Variants in UNC93A observed in about 807,000 individuals in gnomAD.
UNC93A encodes the protein unc-93 homolog A.
Under a neutral mutation model 47.5 loss-of-function variants are expected in UNC93A, and 43 were observed. That is an observed-to-expected ratio of 0.91 (90% CI 0.71 to 1.17). The LOEUF is 1.17. Among genes scored for constraint, UNC93A ranks in the 50% most tolerant of loss-of-function variants. The pLI is 0.00. For missense variants in UNC93A, 605 were observed against 577.6 expected (o/e 1.05, Z -0.49); for synonymous variants, 280 against 258.0 (o/e 1.09, Z -0.82).
intron 1 of UNC93A, among the ~76,000 whole-genome samples, chr6:167,276,365 C>T (rs1230213114): frequency 6.6e-6 from 1 of 152,122 alleles, no homozygotes; most frequent in Non-Finnish European, 1.5e-5. Context: ...GATGAACACC[C>T]AGGAGTGGGT....
In UNC93A at chr6:167,294,511, C is replaced by T; in HGVS notation, c.88-6C>T. The stretch of plus-strand genomic sequence containing the variant: ...TGCTCTGACAGGGCTGGCTTTGTTC[C>T]CACAGAGCAGCCTGTACAGCGAGGA... On this transcript the variant is annotated splice_polypyrimidine_tract_variant and splice_region_variant and intron_variant, in intron 1 of 7. Transcript: ENST00000230256. The T allele has an allele frequency of 6.2e-7, 1 of 1,613,860 alleles. No individual in the cohort carries two copies. The highest frequency in any genetic ancestry group is 1.3e-5 in the African/African-American group (1 of 75,010).
At position 167,294,552 on chromosome 6, in the gene UNC93A, A is replaced by C. The variant is rs1199304711; in HGVS notation, c.123A>C (p.Thr41=). The C allele has an allele frequency of 1.2e-6, 2 of 1,614,012 alleles. No homozygotes were observed. Among genetic ancestry groups the C allele is most frequent in the Non-Finnish European group, 1.7e-6 (2 of 1,179,980 alleles). ...ACAGCGAGGAGGGCCTGGGTGTCAC[A>C]GCGCTCAGCACCCTCTATGGAGGCA... ...SLYSEEGLGV[T]ALSTLYGGML... is the part of the protein sequence containing the mutation. The change falls in exon 2 of 8, where the codon ACA becomes ACC. Residue 41 remains threonine, a synonymous_variant. Coordinates refer to ENST00000230256, the MANE Select transcript of UNC93A (RefSeq NM_018974.4).
chr6:167,310,957 G>A (rs987972130), intron 7 of UNC93A, among the ~76,000 whole-genome samples: 2 of 152,172 alleles, frequency 1.3e-5, no homozygotes, highest in Non-Finnish European at 2.9e-5. Flanking sequence ...ATCGTCATGC[G>A]TGAGTGGCAT....
upstream of UNC93A, among the ~76,000 whole-genome samples, chr6:167,269,338 C>G (rs1245726447): frequency 1.3e-5 from 2 of 152,172 alleles, no homozygotes; most frequent in East Asian, 3.9e-4. Flanking sequence ...TGTGTAGTGC[C>G]TCACTGTTCT....
chr6:167,309,015 C>T (rs1361394982), intron 7 of UNC93A, among the ~76,000 whole-genome samples: 1 of 151,886 alleles, frequency 6.6e-6, no homozygotes, highest in Non-Finnish European at 1.5e-5. Context: ...CAAGCAGGAG[C>T]CAGGGAGGAA....
intron 1 of UNC93A, among the ~76,000 whole-genome samples, chr6:167,280,477 G>A (rs534795244): frequency 6.6e-6 from 1 of 152,284 alleles, no homozygotes; most frequent in East Asian, 1.9e-4. Context: ...TCTCTTCAAA[G>A]AGGGCTGAGC....
chr6:167,302,921 T>A (rs1030729003), intron 4 of UNC93A, among the ~76,000 whole-genome samples: 4 of 152,188 alleles, frequency 2.6e-5, no homozygotes, highest in Non-Finnish European at 5.9e-5. Flanking sequence ...TGGAATCTCT[T>A]GCCGTCCTGC....
chr6:167,284,101 C>A (rs1285728851), intron 1 of UNC93A, among the ~76,000 whole-genome samples: 1 of 152,160 alleles, frequency 6.6e-6, no homozygotes, highest in Non-Finnish European at 1.5e-5. Flanking sequence ...AAAATGCTCT[C>A]TGGCTTCTGC....
intron 1 of UNC93A, among the ~76,000 whole-genome samples, chr6:167,273,823 C>G (rs1302584094): frequency 6.9e-6 from 1 of 145,422 alleles, no homozygotes; most frequent in Admixed American, 6.8e-5. Context: ...ATCTAAAGAC[C>G]TGGAACCAAT....
intron 4 of UNC93A, among the ~76,000 whole-genome samples, chr6:167,300,334 G>T (rs1209970102): frequency 1.3e-5 from 2 of 152,174 alleles, no homozygotes; most frequent in South Asian, 2.1e-4. Flanking sequence ...CAACACTGAG[G>T]GCCAGGCAGA....
chr6:167,298,135 T>G, intron 4 of UNC93A, 65 bp downstream of exon 4: 1 of 1,554,826 alleles, frequency 6.4e-7, no homozygotes, highest in South Asian at 1.2e-5. Flanking sequence ...CTTCCTGGGC[T>G]GACAAAGACT....
At chr6:167,291,910 T>C (rs1046575296) in intron 1 of UNC93A, among the ~76,000 whole-genome samples, 2 of 152,166 alleles carry the variant, frequency 1.3e-5, no homozygotes, top group Non-Finnish European at 2.9e-5. Flanking sequence ...AATTCTATGA[T>C]TGATTGGATG....
chr6:167,309,258 T>C (rs539032020), intron 7 of UNC93A, among the ~76,000 whole-genome samples: 1 of 152,216 alleles, frequency 6.6e-6, no homozygotes, highest in East Asian at 1.9e-4. Context: ...CACAAGGAGA[T>C]GCGTGAGAGC....
intron 1 of UNC93A, among the ~76,000 whole-genome samples, chr6:167,272,223 C>CAGCCA (rs1783462157): frequency 6.6e-6 from 1 of 152,220 alleles, no homozygotes; most frequent in Non-Finnish European, 1.5e-5. Flanking sequence ...ACCATCATGG[C>CAGCCA]TGCCTCAGAA....
chr6:167,303,316 G>A (rs1778293714), intron 4 of UNC93A, among the ~76,000 whole-genome samples: 1 of 152,206 alleles, frequency 6.6e-6, no homozygotes, highest in Non-Finnish European at 1.5e-5. Context: ...TCTGCATCTT[G>A]CTTGTTTTTT....
rs968974108 is a variant in UNC93A at position 167,315,473 on chromosome 6, G to A, written c.*21G>A. On this transcript the variant is annotated 3_prime_UTR_variant, in exon 8 of 8. Transcript: ENST00000230256. ...TGTGAGAGCAGTGAGGTCCGAGGAGGATGAACTCAGAAAGCACCAGCCAGA... is the reference window on the plus strand; with the variant it reads ...TGTGAGAGCAGTGAGGTCCGAGGAGAATGAACTCAGAAAGCACCAGCCAGA... The A allele has an allele frequency of 1.2e-6, 2 of 1,613,774 alleles. No homozygotes were observed. The highest frequency in any genetic ancestry group is 2.7e-5 in the African/African-American group (2 of 74,926).
At position 167,305,895 on chromosome 6, in the gene UNC93A, C is replaced by T. The variant is rs927791162; in HGVS notation, c.841-20C>T. The T allele has an allele frequency of 2.5e-6, 4 of 1,614,114 alleles. No homozygotes were observed. The highest frequency in any genetic ancestry group is 1.1e-5 in the South Asian group (1 of 91,078). On this transcript the variant is annotated intron_variant, in intron 5 of 7. Transcript: ENST00000230256. ...AGGCCTGGGAGCGTCCATGACGTGGCTCTGCACCCCTCTCCCCAGTCCTAT... is the reference window on the plus strand; with the variant it reads ...AGGCCTGGGAGCGTCCATGACGTGGTTCTGCACCCCTCTCCCCAGTCCTAT...
intron 2 of UNC93A, among the ~76,000 whole-genome samples, chr6:167,295,117 C>T (rs967764506): frequency 1.3e-5 from 2 of 152,146 alleles, no homozygotes; most frequent in East Asian, 3.9e-4. Flanking sequence ...TGGGTATGGC[C>T]AGGGCAGGTC....
chr6:167,308,024 G>A (rs1250086842), intron 7 of UNC93A, 114 bp downstream of exon 7: 2 of 1,422,912 alleles, frequency 1.4e-6, no homozygotes, highest in Non-Finnish European at 1.9e-6. Flanking sequence ...GATGAGTTGG[G>A]AGAGACGGGA....
Sources: allele counts gnomAD v4.1 joint callset (sites outside exome capture counted in the v4.1 genomes callset), GRCh38; gene constraint gnomAD v4.1.1; transcripts MANE v1.5; gene names NCBI Gene and HGNC (gene_info 2026-07-23, HGNC 2026-07-21).